The following UBAP1 variants were observed in gnomAD, a reference collection of about 807,000 sequenced individuals.
The protein encoded by UBAP1 is ubiquitin-associated protein 1.
A neutral mutation model predicts 39.0 loss-of-function variants in UBAP1; 5 were observed. The observed-to-expected ratio is 0.13, with a 90% CI of 0.07 to 0.27. UBAP1 has a LOEUF of 0.27. Among genes scored for constraint, UBAP1 ranks in the 10% least tolerant of loss-of-function variants. The pLI is 1.00. For missense variants in UBAP1, 490 were observed against 608.1 expected, an observed-to-expected ratio of 0.81 and a Z score of 2.04; for synonymous variants, 211 against 225.1, an observed-to-expected ratio of 0.94 and a Z score of 0.56.
At position 34,247,052 on chromosome 9, in the gene UBAP1, G is replaced by A. The variant is rs193186431; in HGVS notation, c.1084-2727G>A. Among the ~76,000 whole-genome samples the A allele has an allele frequency of 3.3e-3, 498 of 152,238 alleles. 3 individuals are homozygous for A. The highest frequency in any genetic ancestry group is 0.011 in the African/African-American group (439 of 41,534). On this transcript the variant is annotated intron_variant, in intron 4 of 6. Coordinates refer to ENST00000297661, the MANE Select transcript of UBAP1 (RefSeq NM_016525.5). The stretch of plus-strand genomic sequence containing the variant: ...ATGACAAATGGCTACCATGAATGCA[G>A]TTAATGGTGTTTAAAAAGTCATATC...
rs74180553 is a variant in UBAP1, at chr9:34,226,105, TTGTGTGTGTGTG to T, written c.34+5198_34+5209del. Among the ~76,000 whole-genome samples the T allele has an allele frequency of 2.4e-3, 211 of 88,302 alleles. 1 individual carries two copies. The highest frequency in any genetic ancestry group is 8.1e-3 in the African/African-American group (179 of 22,206). 57.9% of individuals were successfully genotyped at this position (88,302 alleles called of 152,430 possible). A position where few individuals can be genotyped will look rare whatever the true frequency, so the allele number is the denominator to read the frequency against. On this transcript the variant is annotated intron_variant, in intron 2 of 6. Coordinates refer to ENST00000297661, the MANE Select transcript of UBAP1 (RefSeq NM_016525.5). ...CCTTCTAAAGTTTCCTCCTACTCTA[TTGTGTGTGTGTG>T]TGTGTGTGTGTGTGTGTGTGTGTGT...
At chr9:34,217,814 GA>G (rs1832421282) in intron 1 of UBAP1, among the ~76,000 whole-genome samples, 2 of 4,806 alleles carry the variant, frequency 4.2e-4, no homozygotes, top group Admixed American at 2.2e-3. Flanking sequence ...TTTTTTTTTT[GA>G]GACAGACAGT....
At chr9:34,230,516 A>G (rs1338309215) in intron 2 of UBAP1, among the ~76,000 whole-genome samples, 1 of 152,196 alleles carries the variant, frequency 6.6e-6, no homozygotes, top group Non-Finnish European at 1.5e-5. Context: ...CTTTGTTTCC[A>G]GTTAATCAGG....
At chr9:34,237,009 A>G (rs1265449609) in intron 3 of UBAP1, among the ~76,000 whole-genome samples, 1 of 152,044 alleles carries the variant, frequency 6.6e-6, no homozygotes, top group Non-Finnish European at 1.5e-5. Context: ...CACCTGGAAT[A>G]TTCTTTTTCT....
At chr9:34,242,217 C>A in intron 4 of UBAP1, 109 bp downstream of exon 4, 1 of 1,201,092 alleles carries the variant, frequency 8.3e-7, no homozygotes, top group Non-Finnish European at 1.2e-6. Context: ...CATTCTGTTG[C>A]CCAGGCTGGA....
intron 1 of UBAP1, among the ~76,000 whole-genome samples, chr9:34,193,513 T>A (rs904340005): frequency 6.6e-6 from 1 of 152,046 alleles, no homozygotes; most frequent in Non-Finnish European, 1.5e-5. Flanking sequence ...CAAGACTGCC[T>A]GCACACCCCT....
chr9:34,224,415 A>G, intron 2 of UBAP1: 4 of 409,900 alleles, frequency 9.8e-6, no homozygotes, highest in Non-Finnish European at 1.8e-5. Flanking sequence ...TTTTGCAAAT[A>G]CAACGCTGAG....
chr9:34,249,392 A>G (rs1055471867), intron 4 of UBAP1, among the ~76,000 whole-genome samples: 4 of 152,132 alleles, frequency 2.6e-5, no homozygotes, highest in Admixed American at 6.6e-5. Context: ...GGAAAGGGAT[A>G]ATGCTGGAGA....
rs1320499560 is a variant in UBAP1 at position 34,249,836 on chromosome 9, G to C, written c.1141G>C (p.Ala381Pro). 3.7e-6 allele frequency: 6 copies of C among 1,614,178 alleles called. No individual in the cohort carries two copies. The South Asian group carries it at 6.6e-5, about 18-fold the overall frequency. Reference sequence around the variant, plus strand: ...GCCCAACATGCCCAGCTGTCCCCAGGCCTATTCTGAACTGCAGATGCTGTC... The same window carrying C: ...GCCCAACATGCCCAGCTGTCCCCAGCCCTATTCTGAACTGCAGATGCTGTC... ...QVPNMPSCPQ[A>P]YSELQMLSPS... The change falls in exon 5 of 7, where the codon GCC becomes CCC. Residue 381 changes from alanine to proline, a missense_variant. By Grantham distance (27) the Ala-to-Pro change is conservative (BLOSUM62 -1). Transcript: ENST00000297661.
At chr9:34,249,099 CCA>C (rs1331213842) in intron 4 of UBAP1, among the ~76,000 whole-genome samples, 1 of 152,166 alleles carries the variant, frequency 6.6e-6, no homozygotes, top group East Asian at 1.9e-4. Flanking sequence ...AGTCCAGATT[CCA>C]GTCTGTGGGA....
chr9:34,227,303 T>A (rs1833157384), intron 2 of UBAP1, among the ~76,000 whole-genome samples: 1 of 152,096 alleles, frequency 6.6e-6, no homozygotes, highest in Non-Finnish European at 1.5e-5. Context: ...TTTTGTTTTA[T>A]TTATTTATTT....
intron 1 of UBAP1, among the ~76,000 whole-genome samples, chr9:34,216,467 T>C (rs2033780744): frequency 6.6e-6 from 1 of 151,990 alleles, no homozygotes; most frequent in African/African-American, 2.4e-5. Context: ...ACAATATTTG[T>C]GAACTTTTAT....
intron 1 of UBAP1, among the ~76,000 whole-genome samples, chr9:34,204,251 C>T (rs1206589381): frequency 1.3e-5 from 2 of 152,172 alleles, no homozygotes; most frequent in African/African-American, 4.8e-5. Flanking sequence ...CTTGCTGCTG[C>T]ACTCCAGAGT....
intron 2 of UBAP1, among the ~76,000 whole-genome samples, chr9:34,231,018 T>A (rs1833377711): frequency 6.6e-6 from 1 of 151,654 alleles, no homozygotes; most frequent in Admixed American, 6.6e-5. Flanking sequence ...TCTTAGCTAC[T>A]CAGGAGGCTG....
At chr9:34,228,494 T>C (rs1166629370) in intron 2 of UBAP1, among the ~76,000 whole-genome samples, 1 of 151,916 alleles carries the variant, frequency 6.6e-6, no homozygotes, top group African/African-American at 2.4e-5. Context: ...ATATATTTTG[T>C]AATTCTCACA....
chr9:34,248,828 CA>C (rs1248083940), intron 4 of UBAP1, among the ~76,000 whole-genome samples: 4 of 152,202 alleles, frequency 2.6e-5, no homozygotes, highest in Non-Finnish European at 5.9e-5. Flanking sequence ...ACCAATAAAA[CA>C]AGGAAATAAA....
chr9:34,201,603 T>G (rs1831374381), intron 1 of UBAP1: 1 of 152,116 alleles, frequency 6.6e-6, no homozygotes, highest in African/African-American at 2.4e-5. Context: ...GTAAAAACTC[T>G]TATTTTTTTC....
chr9:34,194,401 G>A (rs138265399), intron 1 of UBAP1, among the ~76,000 whole-genome samples: 3,503 of 150,878 alleles, frequency 0.023, 146 homozygotes, highest in African/African-American at 0.081. Flanking sequence ...TGTAAACTCC[G>A]CCTCCCAGGT....
chr9:34,182,677 T>G (rs202117858), intron 1 of UBAP1, among the ~76,000 whole-genome samples: 1 of 71,928 alleles, frequency 1.4e-5, no homozygotes, highest in African/African-American at 5.2e-5. Flanking sequence ...CTTTCTTTCT[T>G]TCTTTCTCTC....
Sources: gnomAD v4.1 joint callset for allele counts (sites outside exome capture counted in the v4.1 genomes callset) on GRCh38, gnomAD v4.1.1 for gene constraint, MANE v1.5 for transcripts, NCBI Gene and HGNC (gene_info 2026-07-23, HGNC 2026-07-21) for gene names.